GALNT18: variants seen among roughly 807,000 people sequenced by gnomAD.
GALNT18 encodes polypeptide N-acetylgalactosaminyltransferase 18.
In GALNT18, 44 loss-of-function variants were observed where a neutral mutation model predicts 69.5. The ratio of observed to expected loss-of-function variants is 0.63; its 90% confidence interval spans 0.50 to 0.81. GALNT18 has a LOEUF of 0.81. GALNT18 is among the 40% of genes least tolerant of loss of function. The pLI, the probability that GALNT18 is intolerant of heterozygous loss-of-function variation, is 0.00. For synonymous variants in GALNT18, 364 were observed against 318.2 expected (o/e 1.14, Z -1.53); for missense variants, 715 against 810.0 (o/e 0.88, Z 1.42).
chr11:11,588,541 C>A (rs966022471), intron 1 of GALNT18, among the ~76,000 whole-genome samples: 2 of 152,190 alleles, frequency 1.3e-5, no homozygotes, highest in Non-Finnish European at 2.9e-5. Flanking sequence ...CCACAGTATC[C>A]TTTTCTTCCT....
chr11:11,507,227 C>T (rs35748042), intron 1 of GALNT18, among the ~76,000 whole-genome samples: 3,201 of 152,200 alleles, frequency 0.021, 61 homozygotes, highest in South Asian at 0.034. Context: ...TCATTCTAAA[C>T]AAAAGGAGAA....
intron 10 of GALNT18, among the ~76,000 whole-genome samples, chr11:11,284,708 G>A (rs571272422): frequency 1.3e-5 from 2 of 152,226 alleles, no homozygotes; most frequent in South Asian, 4.1e-4. Context: ...GCAGCCCAGT[G>A]GGTCTTTGGC....
rs1484655767 is a variant in GALNT18 at position 11,444,209 on chromosome 11, G to A, written c.428+4535C>T. On this transcript the variant is annotated intron_variant, in intron 2 of 10. Coordinates refer to ENST00000227756, the MANE Select transcript of GALNT18 (RefSeq NM_198516.3). This position sits in a 1 kb window ranked among gnomAD's most constrained non-coding sequence, Gnocchi z 4.4. ...GTGCCTTGCAGATGCCACCCTCCAGGCCCCGCCTCCCTGCCACAGAGAGGT... is the reference window on the plus strand; with the variant it reads ...GTGCCTTGCAGATGCCACCCTCCAGACCCCGCCTCCCTGCCACAGAGAGGT... 6.6e-6 allele frequency among the ~76,000 whole-genome samples: 1 copy of A among 151,038 alleles called. No homozygotes were observed. Among genetic ancestry groups the A allele is most frequent in the African/African-American group, 2.4e-5 (1 of 41,042 alleles).
intron 6 of GALNT18, among the ~76,000 whole-genome samples, chr11:11,368,036 G>A (rs769750105): frequency 9.2e-5 from 14 of 152,266 alleles, no homozygotes; most frequent in Middle Eastern, 6.8e-3. Flanking sequence ...AACCTATTCC[G>A]TAGTCTTTAG....
Position 11,540,316 on chromosome 11 carries a change from G to T in GALNT18, c.235+81043C>A, listed in dbSNP as rs1041882656. ...TGCAGGATAAATGTTTTTCTTCGTC[G>T]TTGCCATGGAAACTTGTGACTCCTA... On this transcript the variant is annotated intron_variant, in intron 1 of 10. Transcript: ENST00000227756. The surrounding 1 kb of genome is among the most constrained non-coding windows in gnomAD (Gnocchi z 4.6). Among the ~76,000 whole-genome samples, 2 of 152,092 alleles carry T rather than the reference G, an allele frequency of 1.3e-5. No homozygotes were observed. The highest frequency in any genetic ancestry group is 2.4e-5 in the African/African-American group (1 of 41,396).
rs898945525 is a variant in GALNT18, at chr11:11,389,628, G to A, written c.596-10364C>T. On this transcript the variant is annotated intron_variant, in intron 3 of 10. Coordinates refer to ENST00000227756, the MANE Select transcript of GALNT18 (RefSeq NM_198516.3). This position sits in a 1 kb window ranked among gnomAD's most constrained non-coding sequence, Gnocchi z 4.3. ...CAGCTGTGTCCAGGCAGGAGTGGAC[G>A]CTGCTCCAGCCCCAGCTCCTCCAGC... 1.2e-4 allele frequency among the ~76,000 whole-genome samples: 19 copies of A among 152,194 alleles called. No homozygotes were observed. The highest frequency in any genetic ancestry group is 4.1e-4 in the African/African-American group (17 of 41,452).
At chr11:11,365,894 T>C (rs2133087601) in intron 6 of GALNT18, among the ~76,000 whole-genome samples, 1 of 152,324 alleles carries the variant, frequency 6.6e-6, no homozygotes, top group South Asian at 2.1e-4. Flanking sequence ...CTGTAGAAAC[T>C]GAAAAGAGCT....
In GALNT18 at chr11:11,372,264, T is replaced by C. The variant is rs951950604; in HGVS notation, c.1092+251A>G. Among the ~76,000 whole-genome samples, 1 of 152,126 alleles carries C rather than the reference T, an allele frequency of 6.6e-6. No individual in the cohort carries two copies. Among genetic ancestry groups the C allele is most frequent in the Admixed American group, 6.5e-5 (1 of 15,268 alleles). On this transcript the variant is annotated intron_variant, in intron 6 of 10. Transcript: ENST00000227756. The surrounding 1 kb of genome is among the most constrained non-coding windows in gnomAD (Gnocchi z 4.9). ...TCAGTTTGATTTTAAAAGAGGCTGT[T>C]CCCTTGAGTTGGCAGCTTAACCTCT... is the stretch of plus-strand genomic sequence containing the variant.
intron 1 of GALNT18, among the ~76,000 whole-genome samples, chr11:11,559,166 T>A (rs1858402840): frequency 6.6e-6 from 1 of 152,240 alleles, no homozygotes; most frequent in Non-Finnish European, 1.5e-5. Context: ...TAAGTGCCAG[T>A]ATGGAGATTT....
rs577957845 is a variant in GALNT18 at position 11,470,139 on chromosome 11, C to G, written c.236-21203G>C. On this transcript the variant is annotated intron_variant, in intron 1 of 10. Coordinates refer to ENST00000227756, the MANE Select transcript of GALNT18 (RefSeq NM_198516.3). The surrounding 1 kb of genome is among the most constrained non-coding windows in gnomAD (Gnocchi z 4.8). Reference sequence around the variant, plus strand: ...TTTGAAGCTGTGACCAAGATGTTTCCCTGCCTTGAGAAGTCTCACAGCCAG... The same window carrying G: ...TTTGAAGCTGTGACCAAGATGTTTCGCTGCCTTGAGAAGTCTCACAGCCAG... Among the ~76,000 whole-genome samples, 2 of 152,284 alleles carry G rather than the reference C, an allele frequency of 1.3e-5. No homozygotes were observed. The highest frequency in any genetic ancestry group is 3.9e-4 in the East Asian group (2 of 5,176).
In GALNT18 at chr11:11,498,042, G is replaced by A. The variant is rs573297745; in HGVS notation, c.236-49106C>T. ...AATGAACTAAAAAACTGGAGAACTC[G>A]TCTTAAAAAATGGAGAAGGAATTTA... On this transcript the variant is annotated intron_variant, in intron 1 of 10. Transcript: ENST00000227756. Among the ~76,000 whole-genome samples, 17 of 152,148 alleles carry A rather than the reference G, an allele frequency of 1.1e-4. No individual in the cohort carries two copies. The South Asian group carries it at 2.3e-3, about 20-fold the overall frequency.
intron 3 of GALNT18, among the ~76,000 whole-genome samples, chr11:11,426,249 C>T (rs6484899): frequency 0.35 from 53,816 of 152,082 alleles, 10,916 homozygotes; most frequent in East Asian, 0.81. Context: ...CACATTCATG[C>T]CATATCCCTG....
rs144982305 is a variant in GALNT18, at chr11:11,550,461, C to T, written c.235+70898G>A. On this transcript the variant is annotated intron_variant, in intron 1 of 10. Transcript: ENST00000227756. The stretch of plus-strand genomic sequence containing the variant: ...ATGTGAGGCCCAGAACTGTGTAACC[C>T]CCATCCTCATCCATTGTCACACAGG... 3.7e-4 allele frequency among the ~76,000 whole-genome samples: 56 copies of T among 152,296 alleles called. 1 individual carries two copies. The highest frequency in any genetic ancestry group is 6.2e-4 in the Non-Finnish European group (42 of 68,032).
intron 6 of GALNT18, among the ~76,000 whole-genome samples, chr11:11,365,777 T>C (rs1035915651): frequency 6.6e-6 from 1 of 152,198 alleles, no homozygotes; most frequent in Non-Finnish European, 1.5e-5. Context: ...ATCTGGAATA[T>C]GAAGAACAAT....
At chr11:11,406,086 A>G (rs990353815) in intron 3 of GALNT18, among the ~76,000 whole-genome samples, 1 of 152,192 alleles carries the variant, frequency 6.6e-6, no homozygotes, top group Non-Finnish European at 1.5e-5. Flanking sequence ...GTATCTCCCT[A>G]TTGTGATTTT....
In GALNT18 at chr11:11,470,506, C is replaced by T. The variant is rs769294336; in HGVS notation, c.236-21570G>A. ...GCAGTCGGCTAGGCAAGTGAGCATG[C>T]TGTAGACCCCATTATTCCTATGCTA... On this transcript the variant is annotated intron_variant, in intron 1 of 10. Transcript: ENST00000227756. The surrounding 1 kb of genome is among the most constrained non-coding windows in gnomAD (Gnocchi z 4.8). Among the ~76,000 whole-genome samples, 18 of 152,194 alleles carry T rather than the reference C, an allele frequency of 1.2e-4. No homozygotes were observed. The highest frequency in any genetic ancestry group is 2.5e-4 in the Non-Finnish European group (17 of 68,038).
intron 3 of GALNT18, among the ~76,000 whole-genome samples, chr11:11,414,515 G>A (rs1294359095): frequency 6.6e-6 from 1 of 152,066 alleles, no homozygotes; most frequent in Non-Finnish European, 1.5e-5. Context: ...TCTTCACATG[G>A]CTCTCTCCTT....
At position 11,500,792 on chromosome 11, in the gene GALNT18, T is replaced by C. The variant is rs1856958084; in HGVS notation, c.236-51856A>G. Among the ~76,000 whole-genome samples, 2 of 152,238 alleles carry C rather than the reference T, an allele frequency of 1.3e-5. No individual in the cohort carries two copies. Among genetic ancestry groups the C allele is most frequent in the Non-Finnish European group, 1.5e-5 (1 of 68,030 alleles). ...AAGGATCTCCTTTTCATGTATTTTC[T>C]GTACAAATAAAGAAGGTAAAAAGGC... On this transcript the variant is annotated intron_variant, in intron 1 of 10. Transcript: ENST00000227756. The surrounding 1 kb of genome is among the most constrained non-coding windows in gnomAD (Gnocchi z 5.0).
At chr11:11,281,801 G>A (rs547683149) in intron 10 of GALNT18, among the ~76,000 whole-genome samples, 12 of 152,220 alleles carry the variant, frequency 7.9e-5, no homozygotes, top group East Asian at 1.9e-4. Context: ...GATGGATCAC[G>A]GCCAAGAGTG....
Sources: allele counts gnomAD v4.1 joint callset (sites outside exome capture counted in the v4.1 genomes callset), GRCh38; gene constraint gnomAD v4.1.1; non-coding constraint Gnocchi (gnomAD v3.1); transcripts MANE v1.5; gene names NCBI Gene and HGNC (gene_info 2026-07-23, HGNC 2026-07-21).